Variants in EXOC6B observed in about 807,000 individuals in gnomAD.
The protein encoded by EXOC6B is exocyst complex component 6B.
A neutral mutation model predicts 113.5 loss-of-function variants in EXOC6B; 54 were observed. The observed-to-expected ratio is 0.48, with a 90% confidence interval of 0.38 to 0.60. The LOEUF (loss-of-function observed/expected upper bound fraction) is 0.60, where lower values mean the gene tolerates loss of function less well. EXOC6B is among the 20% of genes least tolerant of loss of function. The pLI is 0.00. For missense variants in EXOC6B, 797 were observed against 977.5 expected (o/e 0.82, Z 2.46); for synonymous variants, 357 against 339.0 (o/e 1.05, Z -0.58).
chr2:72,760,811 G>A (rs1178931259), intron 1 of EXOC6B, among the ~76,000 whole-genome samples: 2 of 152,174 alleles, frequency 1.3e-5, no homozygotes, highest in African/African-American at 4.8e-5. Flanking sequence ...CACTAAAACT[G>A]CATGATTAGT....
intron 7 of EXOC6B, among the ~76,000 whole-genome samples, chr2:72,559,759 T>C (rs1703783323): frequency 6.6e-6 from 1 of 152,112 alleles, no homozygotes; most frequent in South Asian, 2.1e-4. Context: ...CAAGGATGGG[T>C]AGCAAAGAGA....
At chr2:72,791,006 C>A (rs1185962845) in intron 1 of EXOC6B, among the ~76,000 whole-genome samples, 1 of 151,954 alleles carries the variant, frequency 6.6e-6, no homozygotes, top group Non-Finnish European at 1.5e-5. Context: ...TAGATAGGAG[C>A]AATAAAGTTC....
Position 72,184,094 on chromosome 2 carries a change from C to T in EXOC6B, c.2290G>A (p.Ala764Thr). The change falls in exon 21 of 22, where the codon GCT becomes ACT. Residue 764 changes from alanine (A) to threonine (T), a missense_variant. Coordinates refer to ENST00000272427, the MANE Select transcript of EXOC6B (RefSeq NM_015189.3). ...ACTCACTTCTCAAGCAGGGTCAGAG[C>T]AGTCACTGGGTTTACCCGGAGGTAC... ...CKYLRVNPVT[A>T]LTLLEKMKDT... The T allele has an allele frequency of 6.4e-7, 1 of 1,560,586 alleles. No individual in the cohort carries two copies. The highest frequency in any genetic ancestry group is 8.7e-7 in the Non-Finnish European group (1 of 1,150,398).
intron 6 of EXOC6B, among the ~76,000 whole-genome samples, chr2:72,666,200 A>G (rs4852887): frequency 0.99 from 151,241 of 152,324 alleles, 75,086 homozygotes; most frequent in East Asian, 1. Flanking sequence ...AGTTCTAGTG[A>G]AAGCCTTGAA....
intron 20 of EXOC6B, among the ~76,000 whole-genome samples, chr2:72,221,605 C>T (rs1303282109): frequency 3.3e-5 from 5 of 152,154 alleles, no homozygotes; most frequent in Middle Eastern, 3.2e-3. Flanking sequence ...TTTCCTTACT[C>T]GTCTACCCTA....
At chr2:72,812,762 T>A (rs1685992469) in intron 1 of EXOC6B, among the ~76,000 whole-genome samples, 1 of 151,994 alleles carries the variant, frequency 6.6e-6, no homozygotes, top group South Asian at 2.1e-4. Flanking sequence ...CTAAAACTTT[T>A]GATAAAACAA....
intron 18 of EXOC6B, among the ~76,000 whole-genome samples, chr2:72,458,199 T>C (rs1424636115): frequency 2.0e-5 from 3 of 152,142 alleles, no homozygotes; most frequent in African/African-American, 7.2e-5. Flanking sequence ...AGAAAATATT[T>C]ATAGTAAGTA....
intron 16 of EXOC6B, among the ~76,000 whole-genome samples, chr2:72,486,197 T>C (rs922233531): frequency 6.6e-6 from 1 of 151,764 alleles, no homozygotes; most frequent in Admixed American, 6.6e-5. Flanking sequence ...TGTTGAAACA[T>C]TGTCTCTACT....
intron 6 of EXOC6B, among the ~76,000 whole-genome samples, chr2:72,713,586 C>A (rs2104699446): frequency 6.6e-6 from 1 of 152,004 alleles, no homozygotes; most frequent in South Asian, 2.1e-4. Flanking sequence ...TCCCCCGTCC[C>A]CCCACCCCAC....
At chr2:72,199,935 C>A (rs1679390351) in intron 20 of EXOC6B, among the ~76,000 whole-genome samples, 1 of 152,138 alleles carries the variant, frequency 6.6e-6, no homozygotes, top group Non-Finnish European at 1.5e-5. Context: ...TCATTCTTCT[C>A]ACCCAGACTG....
chr2:72,303,344 C>T (rs564028593), intron 20 of EXOC6B, among the ~76,000 whole-genome samples: 2 of 152,140 alleles, frequency 1.3e-5, no homozygotes, highest in East Asian at 1.9e-4. Context: ...CAAGTTGTTT[C>T]GTTTCTTCCC....
chr2:72,511,285 C>T (rs1443914956), intron 11 of EXOC6B, among the ~76,000 whole-genome samples: 8 of 152,020 alleles, frequency 5.3e-5, no homozygotes, highest in African/African-American at 1.4e-4. Flanking sequence ...GTAATCATTT[C>T]GAATGTAAAC....
chr2:72,425,649 A>G (rs1386544780), intron 18 of EXOC6B, among the ~76,000 whole-genome samples: 1 of 152,002 alleles, frequency 6.6e-6, no homozygotes, highest in East Asian at 1.9e-4. Flanking sequence ...TTTACCTTTT[A>G]TTTAAGAATT....
intron 20 of EXOC6B, among the ~76,000 whole-genome samples, chr2:72,284,368 A>C (rs972399112): frequency 6.6e-6 from 1 of 152,136 alleles, no homozygotes; most frequent in Non-Finnish European, 1.5e-5. Context: ...GCTAAGAAAG[A>C]AAAATTACAC....
chr2:72,806,571 T>C (rs897874382), intron 1 of EXOC6B, among the ~76,000 whole-genome samples: 1 of 152,258 alleles, frequency 6.6e-6, no homozygotes, highest in Admixed American at 6.5e-5. Context: ...CTGGATCAAA[T>C]GTTAGCTCTG....
intron 1 of EXOC6B, among the ~76,000 whole-genome samples, chr2:72,747,793 CA>C (rs767690423): frequency 1.3e-5 from 2 of 152,040 alleles, no homozygotes; most frequent in Non-Finnish European, 2.9e-5. Context: ...TCTCAATTTT[CA>C]GCTTGCACCT....
intron 6 of EXOC6B, among the ~76,000 whole-genome samples, chr2:72,671,718 G>A (rs900862564): frequency 2.7e-4 from 31 of 112,926 alleles, no homozygotes; most frequent in Non-Finnish European, 5.6e-4. Context: ...AGAAAAAGAA[G>A]GAAAGAAAGG....
intron 19 of EXOC6B, among the ~76,000 whole-genome samples, chr2:72,360,202 C>T (rs1156459086): frequency 6.6e-6 from 1 of 152,118 alleles, no homozygotes; most frequent in African/African-American, 2.4e-5. Context: ...ATCTGCCCAC[C>T]TCAGCCTCCC....
At chr2:72,755,381 T>C (rs975928314) in intron 1 of EXOC6B, among the ~76,000 whole-genome samples, 1 of 152,132 alleles carries the variant, frequency 6.6e-6, no homozygotes, top group Non-Finnish European at 1.5e-5. Flanking sequence ...TATTTACATG[T>C]CTATCTCCCC....
Sources: allele counts gnomAD v4.1 joint callset (sites outside exome capture counted in the v4.1 genomes callset), GRCh38; gene constraint gnomAD v4.1.1; transcripts MANE v1.5; gene names NCBI Gene and HGNC (gene_info 2026-07-23, HGNC 2026-07-21).